Variants in CHLSN observed in about 807,000 individuals in gnomAD.
CHLSN encodes the protein protein cholesin.
the CHLSN span, chr7:987,494 C>T: frequency 2.8e-5 from 43 of 1,546,270 alleles, no homozygotes; most frequent in African/African-American, 9.5e-5. Context: ...CGCTGCACCG[C>T]GGCCGACACA....
the CHLSN span, among the ~76,000 whole-genome samples, chr7:1,015,997 G>A: frequency 5.3e-5 from 8 of 151,822 alleles, 1 homozygote; most frequent in Non-Finnish European, 1.2e-4. Context: ...AGTGTCTGAG[G>A]TGTCACATGA....
chr7:1,108,920 G>T, the CHLSN span, among the ~76,000 whole-genome samples: 2 of 137,232 alleles, frequency 1.5e-5, no homozygotes, highest in Non-Finnish European at 3.0e-5. Flanking sequence ...TTTTTGAGAC[G>T]GAGTCTCGCT....
At chr7:1,080,601 C>T in the CHLSN span, among the ~76,000 whole-genome samples, 42 of 152,358 alleles carry the variant, frequency 2.8e-4, no homozygotes, top group Non-Finnish European at 3.2e-4. Context: ...CTGCGAGCAC[C>T]GTGCTTCCAC....
chr7:1,072,096 ACT>A, the CHLSN span, among the ~76,000 whole-genome samples: 1 of 152,026 alleles, frequency 6.6e-6, no homozygotes, highest in Non-Finnish European at 1.5e-5. Flanking sequence ...GACACCTTAG[ACT>A]CTGGCCTAAG....
chr7:1,072,173 C>A, the CHLSN span, among the ~76,000 whole-genome samples: 2 of 152,226 alleles, frequency 1.3e-5, no homozygotes, highest in Non-Finnish European at 2.9e-5. Context: ...CCCCACCTCC[C>A]CATGGTCCTG....
the CHLSN span, among the ~76,000 whole-genome samples, chr7:1,023,401 G>A: frequency 2.0e-5 from 3 of 152,036 alleles, no homozygotes; most frequent in East Asian, 3.9e-4. This position sits in a 1 kb window ranked among gnomAD's most constrained non-coding sequence, Gnocchi z 5.0. Flanking sequence ...CTGAACTCAC[G>A]AGACCCAGGC....
At chr7:1,010,110 C>CT in the CHLSN span, 143 of 1,612,660 alleles carry the variant, frequency 8.9e-5, no homozygotes, top group Non-Finnish European at 1.1e-4. Context: ...AGCTCTGGCT[C>CT]TGCGTCCAGC....
the CHLSN span, among the ~76,000 whole-genome samples, chr7:1,095,266 G>A: frequency 6.8e-6 from 1 of 146,546 alleles, no homozygotes. Flanking sequence ...CCAGGCAGCA[G>A]CCCCCCAAAC....
the CHLSN span, among the ~76,000 whole-genome samples, chr7:1,002,253 T>C: frequency 0.013 from 586 of 45,702 alleles, 7 homozygotes; most frequent in Non-Finnish European, 0.016. Flanking sequence ...GTGAGTGGAG[T>C]CCTGTGGGTG....
At chr7:997,731 A>G in the CHLSN span, 1 of 1,611,430 alleles carries the variant, frequency 6.2e-7, no homozygotes, top group East Asian at 2.2e-5. Flanking sequence ...CGCCTTCTGC[A>G]CCGTCAGCTC....
chr7:987,776 C>T, the CHLSN span, among the ~76,000 whole-genome samples: 1 of 152,116 alleles, frequency 6.6e-6, no homozygotes, highest in African/African-American at 2.4e-5. Flanking sequence ...CTCCGTGTGT[C>T]CTGTGGGCAT....
the CHLSN span, among the ~76,000 whole-genome samples, chr7:1,042,585 C>T: frequency 6.6e-6 from 1 of 152,266 alleles, no homozygotes; most frequent in Non-Finnish European, 1.5e-5. Context: ...TTCTGCCATT[C>T]TCCCTGGCAG....
At chr7:1,109,819 G>A in the CHLSN span, among the ~76,000 whole-genome samples, 1 of 152,160 alleles carries the variant, frequency 6.6e-6, no homozygotes, top group Non-Finnish European at 1.5e-5. Flanking sequence ...GCGTCTCGGC[G>A]CCACGGGTGA....
At chr7:1,022,970 G>C in the CHLSN span, 1 of 472,778 alleles carries the variant, frequency 2.1e-6, no homozygotes, top group Non-Finnish European at 4.3e-6. Flanking sequence ...CTGTCGTCGA[G>C]GCGCTCACAG....
chr7:1,016,623 G>T, the CHLSN span, among the ~76,000 whole-genome samples: 6 of 94,736 alleles, frequency 6.3e-5, no homozygotes, highest in Non-Finnish European at 8.3e-5. Flanking sequence ...GCACGCCAGA[G>T]CACAGTAGCG....
the CHLSN span, among the ~76,000 whole-genome samples, chr7:992,859 C>G: frequency 6.6e-6 from 1 of 152,240 alleles, no homozygotes; most frequent in East Asian, 1.9e-4. Flanking sequence ...GGGCAGGTCT[C>G]ACAAATGCCC....
chr7:1,130,015 G>A, the CHLSN span, among the ~76,000 whole-genome samples: 21 of 152,236 alleles, frequency 1.4e-4, no homozygotes, highest in South Asian at 2.3e-3. Context: ...TGCGGGCACC[G>A]GTCCTGCCCA....
the CHLSN span, among the ~76,000 whole-genome samples, chr7:994,730 C>T: frequency 1.3e-5 from 2 of 152,250 alleles, no homozygotes; most frequent in Non-Finnish European, 2.9e-5. Flanking sequence ...TGAGCCGCCG[C>T]ACCCGGCATG....
At chr7:1,024,049 C>T in the CHLSN span, among the ~76,000 whole-genome samples, 1 of 152,206 alleles carries the variant, frequency 6.6e-6, no homozygotes, top group South Asian at 2.1e-4. Context: ...GCTGCTCTCA[C>T]ACTCCTGAGC....
Sources: gnomAD v4.1 joint callset for allele counts (sites outside exome capture counted in the v4.1 genomes callset) on GRCh38, gnomAD v4.1.1 for gene constraint, Gnocchi (gnomAD v3.1) non-coding constraint, MANE v1.5 for transcripts, NCBI Gene and HGNC (gene_info 2026-07-23, HGNC 2026-07-21) for gene names.